The following VPS13B variants were observed in gnomAD, a reference collection of about 807,000 sequenced individuals.
VPS13B encodes intermembrane lipid transfer protein VPS13B.
VPS13B carries 285 observed loss-of-function variants against 426.4 expected under a neutral mutation model. The ratio of observed to expected loss-of-function variants is 0.67; its 90% CI spans 0.61 to 0.74. The LOEUF (loss-of-function observed/expected upper bound fraction) is 0.74. VPS13B is among the 30% of genes least tolerant of loss of function. The probability of loss-of-function intolerance (pLI) is 0.00; values close to 1 mark genes in which losing one functional copy is unlikely to be tolerated. For synonymous variants in VPS13B, 1,676 were observed against 1,676.4 expected (o/e 1.00, Z 0.01); for missense variants, 4,537 against 4,782.6 (o/e 0.95, Z 1.51).
chr8:99,868,624 A>C lies in VPS13B; in HGVS notation c.11392+159A>C, dbSNP rs377332460. Among the ~76,000 whole-genome samples the C allele has an allele frequency of 6.6e-5, 10 of 152,224 alleles. No individual in the cohort carries two copies. In the East Asian group the frequency reaches 9.6e-4, roughly 15 times the overall value. On this transcript the variant is annotated intron_variant, in intron 59 of 61. Coordinates refer to ENST00000357162, the MANE Select transcript of VPS13B (RefSeq NM_152564.5). The stretch of plus-strand genomic sequence containing the variant: ...TACACAGAGTAGAATTTTACTACTA[A>C]TAATAAAACCATAGAATCAGGAAAC...
chr8:99,873,110 A>ATCTT (rs1300566855), intron 61 of VPS13B: 9 of 152,172 alleles, frequency 5.9e-5, no homozygotes, highest in Non-Finnish European at 2.9e-5. Flanking sequence ...TTACGATTAA[A>ATCTT]TCTTTAGTCC....
chr8:99,577,935 G>A, intron 33 of VPS13B: 1 of 390,898 alleles, frequency 2.6e-6, no homozygotes, highest in South Asian at 2.4e-5. Flanking sequence ...CGAGAATCCT[G>A]GTATAGCTTT....
intron 12 of VPS13B, among the ~76,000 whole-genome samples, chr8:99,139,506 C>T (rs1378210829): frequency 6.7e-6 from 1 of 148,614 alleles, no homozygotes; most frequent in South Asian, 2.1e-4. Context: ...GTTGCAATCT[C>T]GACTCACTGC....
intron 3 of VPS13B, among the ~76,000 whole-genome samples, chr8:99,040,594 A>G (rs1468012810): frequency 1.3e-5 from 2 of 152,138 alleles, no homozygotes; most frequent in Admixed American, 1.3e-4. Context: ...TTAAGCTTTG[A>G]TTAGTATAGT....
intron 54 of VPS13B, among the ~76,000 whole-genome samples, chr8:99,836,559 T>G (rs1163037469): frequency 6.6e-6 from 1 of 152,202 alleles, no homozygotes; most frequent in East Asian, 1.9e-4. Context: ...CCTAGCATAA[T>G]GTTCTCAAGT....
At position 99,720,906 on chromosome 8, in the gene VPS13B, T is replaced by G; in HGVS notation, c.6909T>G (p.Asn2303Lys). 1 of 1,614,016 alleles carries G rather than the reference T, an allele frequency of 6.2e-7. No individual in the cohort carries two copies. Among genetic ancestry groups the G allele is most frequent in the South Asian group, 1.1e-5 (1 of 91,074 alleles). Residue 2303 changes from asparagine to lysine, a missense_variant, in exon 39 of 62, where the codon AAT (asparagine) becomes AAG (lysine). This residue lies in a region of VPS13B where 4,311 missense variants were observed against 4,474.3 expected (regional missense o/e 0.96). Transcript: ENST00000357162. ...LPGVYEVLFY[N>K]ETEDCPGMML... ...GGGTCTATGAAGTCTTATTTTATAATGAAACTGAAGATTGCCCAGGGATGA... is the reference window on the plus strand; with the variant it reads ...GGGTCTATGAAGTCTTATTTTATAAGGAAACTGAAGATTGCCCAGGGATGA...
At chr8:99,870,682 T>C in intron 59 of VPS13B, 103 bp from the exon 60 acceptor site, 3 of 1,016,264 alleles carry the variant, frequency 3.0e-6, no homozygotes, top group Non-Finnish European at 4.7e-6. Flanking sequence ...TCATTTTGGA[T>C]CTGTAACATT....
chr8:99,163,501 G>A (rs1588103200), intron 15 of VPS13B, among the ~76,000 whole-genome samples: 2 of 152,340 alleles, frequency 1.3e-5, no homozygotes, highest in South Asian at 2.1e-4. Flanking sequence ...GGAGTGGGTG[G>A]GAGGCTCAGG....
In VPS13B at chr8:99,575,732, C is replaced by G; in HGVS notation, c.5024C>G (p.Ala1675Gly). 1 of 1,613,792 alleles carries G rather than the reference C, an allele frequency of 6.2e-7. No homozygotes were observed. Among genetic ancestry groups the G allele is most frequent in the African/African-American group, 1.3e-5 (1 of 75,036 alleles). The change falls in exon 32 of 62, where the codon GCA becomes GGA. Residue 1675 changes from alanine to glycine, a missense_variant. This residue lies in a region of VPS13B where 4,311 missense variants were observed against 4,474.3 expected (regional missense o/e 0.96). Coordinates refer to ENST00000357162, the MANE Select transcript of VPS13B (RefSeq NM_152564.5). ...GATTTTTCTGTCCGAATAACTGGAG[C>G]ACCTGCTGTCATTTTCACCAAAGTA... The part of the protein sequence containing the change: ...LTDFSVRITG[A>G]PAVIFTKVVS...
At chr8:99,521,752 A>T (rs1190886915) in intron 30 of VPS13B, among the ~76,000 whole-genome samples, 1 of 152,210 alleles carries the variant, frequency 6.6e-6, no homozygotes, top group Non-Finnish European at 1.5e-5. Context: ...CTCTTCTAAA[A>T]AATAAATTCC....
intron 16 of VPS13B, among the ~76,000 whole-genome samples, chr8:99,183,998 A>G (rs1377747698): frequency 6.6e-6 from 1 of 152,186 alleles, no homozygotes; most frequent in Non-Finnish European, 1.5e-5. Context: ...CCTGGAATCT[A>G]TAATATGTTG....
At position 99,478,447 on chromosome 8, in the gene VPS13B, G is replaced by GTTT. The variant is rs56261645; in HGVS notation, c.3667-3136_3667-3134dup. ...TTTGAGACAGTTGTTTTTTTGTTTT[G>GTTT]TTTTTTTTTTTTTTTTTTGTTTTTT... On this transcript the variant is annotated intron_variant, in intron 24 of 61. Coordinates refer to ENST00000357162, the MANE Select transcript of VPS13B (RefSeq NM_152564.5). Among the ~76,000 whole-genome samples the GTTT allele has an allele frequency of 8.5e-4, 73 of 85,744 alleles. 1 individual carries two copies. Among genetic ancestry groups the GTTT allele is most frequent in the Middle Eastern group, 9.6e-3 (1 of 104 alleles). The allele number at this position is 85,744 out of a possible 152,430, so 56.3% of individuals were successfully genotyped here.
At chr8:99,551,540 C>A (rs62534593) in intron 30 of VPS13B, among the ~76,000 whole-genome samples, 9,003 of 151,708 alleles carry the variant, frequency 0.059, 385 homozygotes, top group Non-Finnish European at 0.093. Context: ...TCTACTTGCC[C>A]AACTTTGGTT....
At chr8:99,566,535 G>T (rs1825200066) in intron 31 of VPS13B, among the ~76,000 whole-genome samples, 1 of 151,950 alleles carries the variant, frequency 6.6e-6, no homozygotes, top group Non-Finnish European at 1.5e-5. Context: ...CCGCCTCCTG[G>T]GTTCAAGCAA....
At chr8:99,834,917 A>G (rs1441353522) in intron 52 of VPS13B, among the ~76,000 whole-genome samples, 2 of 152,220 alleles carry the variant, frequency 1.3e-5, no homozygotes, top group Non-Finnish European at 2.9e-5. Context: ...TTTAACACAC[A>G]TATGCATGGG....
Position 99,604,656 on chromosome 8 carries a change from C to T in VPS13B, c.5220+27023C>T, listed in dbSNP as rs193201834. On this transcript the variant is annotated intron_variant, in intron 33 of 61. Coordinates refer to ENST00000357162, the MANE Select transcript of VPS13B (RefSeq NM_152564.5). ...CTGGGACTACAGGCGCCTGCCACTGCGCCCGGCTAATTTTTTTTTGTATTT... is the reference window on the plus strand; with the variant it reads ...CTGGGACTACAGGCGCCTGCCACTGTGCCCGGCTAATTTTTTTTTGTATTT... 1.2e-3 allele frequency among the ~76,000 whole-genome samples: 185 copies of T among 151,996 alleles called. 3 individuals are homozygous for T. In the East Asian group the frequency reaches 0.018, roughly 15 times the overall value.
At chr8:99,377,885 G>A (rs949233354) in intron 19 of VPS13B, among the ~76,000 whole-genome samples, 2 of 152,196 alleles carry the variant, frequency 1.3e-5, no homozygotes, top group African/African-American at 4.8e-5. Flanking sequence ...AAGGCAGAAG[G>A]TCAGGGTGAG....
intron 19 of VPS13B, among the ~76,000 whole-genome samples, chr8:99,276,709 T>C (rs1818915012): frequency 6.6e-6 from 1 of 152,188 alleles, no homozygotes; most frequent in South Asian, 2.1e-4. Context: ...CATGACTTTG[T>C]TAATGCCTAT....
At chr8:99,185,542 AT>A (rs1813175010) in intron 16 of VPS13B, among the ~76,000 whole-genome samples, 1 of 152,174 alleles carries the variant, frequency 6.6e-6, no homozygotes, top group Admixed American at 6.5e-5. Context: ...GATATGAGTA[AT>A]AACAAAAATA....
Sources: gnomAD v4.1 joint callset for allele counts (sites outside exome capture counted in the v4.1 genomes callset) on GRCh38, gnomAD v4.1.1 for gene constraint, gnomAD v4.1.1 regional missense constraint, MANE v1.5 for transcripts, NCBI Gene and HGNC (gene_info 2026-07-23, HGNC 2026-07-21) for gene names.